TNC: variants seen among roughly 807,000 people sequenced by gnomAD.
The protein encoded by TNC is tenascin C, also known as tenascin.
In TNC, 109 loss-of-function variants were observed where a neutral mutation model predicts 202.4. The observed-to-expected ratio is 0.54, with a 90% CI of 0.46 to 0.63. The LOEUF (loss-of-function observed/expected upper bound fraction) is 0.63. Ranked by LOEUF, TNC falls within the 30% of genes least tolerant of loss-of-function variation. The pLI, the probability that TNC is intolerant of heterozygous loss-of-function variation, is 0.00. For synonymous variants in TNC, 1,007 were observed against 1,089.7 expected, an observed-to-expected ratio of 0.92 and a Z score of 1.50; for missense variants, 2,756 against 2,833.3, an observed-to-expected ratio of 0.97 and a Z score of 0.62.
In TNC at chr9:115,082,732, T is replaced by C. The variant is rs61735551; in HGVS notation, c.2207A>G (p.Asp736Gly). 3.2e-3 allele frequency: 5,183 copies of C among 1,614,066 alleles called. 153 individuals carry two copies. In the African/African-American group the frequency reaches 0.062, roughly 19 times the overall value. ...TSVEVEWDPL[D>G]IAFETWEIIF... ...GATCTCCCAGGTTTCAAAAGCAATG[T>C]CTAGAGGATCCCACTCCACTTCCAC... Residue 736 changes from aspartate to glycine, a missense_variant, in exon 5 of 28, where the codon GAC becomes GGC. Physicochemically the swap from Asp to Gly is moderately conservative, Grantham distance 94. Transcript: ENST00000350763.
At chr9:115,055,052 T>A (rs1832000050) in intron 15 of TNC, among the ~76,000 whole-genome samples, 1 of 152,008 alleles carries the variant, frequency 6.6e-6, no homozygotes, top group African/African-American at 2.4e-5. Context: ...AGAAAAAGAG[T>A]GTAGATCTTT....
At chr9:115,026,732 G>T in intron 25 of TNC, 37 bp from the exon 26 acceptor site, 1 of 1,607,182 alleles carries the variant, frequency 6.2e-7, no homozygotes. Flanking sequence ...AGAAGCACAG[G>T]TGACTGAGGC....
intron 24 of TNC, 28 bp from the exon 25 acceptor site, chr9:115,029,484 T>C: frequency 6.2e-7 from 1 of 1,606,376 alleles, no homozygotes; most frequent in East Asian, 2.2e-5. Flanking sequence ...AATCTGGGTG[T>C]ACTTAAGCTA....
At chr9:115,073,342 C>G (rs553146708) in intron 10 of TNC, among the ~76,000 whole-genome samples, 1 of 152,162 alleles carries the variant, frequency 6.6e-6, no homozygotes, top group South Asian at 2.1e-4. Context: ...AATGCAAACA[C>G]AAACCCTGAT....
At chr9:115,106,881 A>C (rs2134192072) in intron 1 of TNC, among the ~76,000 whole-genome samples, 1 of 152,298 alleles carries the variant, frequency 6.6e-6, no homozygotes, top group East Asian at 1.9e-4. Flanking sequence ...AGGAGGGAAA[A>C]TTCCTTCTAA....
intron 15 of TNC, among the ~76,000 whole-genome samples, chr9:115,056,877 A>G (rs1416325446): frequency 2.6e-5 from 4 of 152,238 alleles, no homozygotes; most frequent in Non-Finnish European, 5.9e-5. Context: ...AGAGGTTAGA[A>G]TTCTTTTCTC....
intron 1 of TNC, among the ~76,000 whole-genome samples, chr9:115,114,234 A>G (rs1564164246): frequency 6.6e-6 from 1 of 152,194 alleles, no homozygotes; most frequent in Admixed American, 6.5e-5. Context: ...GATTCCCTAC[A>G]ATCTTCTCAG....
At chr9:115,066,065 A>T (rs1011047615) in intron 10 of TNC, among the ~76,000 whole-genome samples, 2 of 152,222 alleles carry the variant, frequency 1.3e-5, no homozygotes, top group Non-Finnish European at 2.9e-5. Context: ...ACACAGTATT[A>T]TTAAGGCTGA....
At chr9:115,117,739 A>G (rs1837572342) in intron 1 of TNC, among the ~76,000 whole-genome samples, 1 of 152,226 alleles carries the variant, frequency 6.6e-6, no homozygotes, top group South Asian at 2.1e-4. Context: ...GCAGAAGATA[A>G]CAACTTTACG....
rs200783075 is a variant in TNC at position 115,078,094 on chromosome 9, G to C, written c.2523C>G (p.Asp841Glu). ...DGIELTYGIK[D>E]VPGDRTTIDL... The stretch of plus-strand genomic sequence containing the variant: ...CGATGGTGGTACGGTCTCCTGGCAC[G>C]TCTTTGATGCCGTAGGTCAGCTCAA... The change falls in exon 7 of 28, where the codon GAC (aspartate) becomes GAG (glutamate). Residue 841 changes from aspartate (D) to glutamate (E), a missense_variant. By Grantham distance (45) the Asp-to-Glu change is conservative. Around this residue, in one of 2 missense-constraint regions of TNC, gnomAD observed 2,559 missense variants for 2,546.0 expected, o/e 1.01. Coordinates refer to ENST00000350763, the MANE Select transcript of TNC (RefSeq NM_002160.4). The C allele has an allele frequency of 6.2e-7, 1 of 1,614,070 alleles. No individual in the cohort carries two copies. The highest frequency in any genetic ancestry group is 8.5e-7 in the Non-Finnish European group (1 of 1,179,998).
In TNC at chr9:115,041,009, T is replaced by G. The variant is rs1336826428; in HGVS notation, c.5324A>C (p.Tyr1775Ser). 2.5e-6 allele frequency: 4 copies of G among 1,614,136 alleles called. No individual in the cohort carries two copies. Among genetic ancestry groups the G allele is most frequent in the Non-Finnish European group, 3.4e-6 (4 of 1,180,026 alleles). ...RLVKLIPGVE[Y>S]LVSIIAMKGF... ...CTTCATGGCGATGATGCTGACAAGG[T>G]ACTCCACGCCAGGTATGAGTTTCAC... Residue 1775 changes from tyrosine (Y) to serine (S), a missense_variant, in exon 19 of 28, where the codon TAC becomes TCC. By Grantham distance (144) the Tyr-to-Ser change is moderately radical (BLOSUM62 -2). Around this residue, in one of 2 missense-constraint regions of TNC, gnomAD observed 2,559 missense variants for 2,546.0 expected, o/e 1.01. Coordinates refer to ENST00000350763, the MANE Select transcript of TNC (RefSeq NM_002160.4).
chr9:115,057,084 A>G, intron 15 of TNC, 69 bp downstream of exon 15: 1 of 1,524,324 alleles, frequency 6.6e-7, no homozygotes, highest in Non-Finnish European at 8.8e-7. Context: ...GGAGAGGAGA[A>G]GGAGAGGCTT....
intron 25 of TNC, among the ~76,000 whole-genome samples, chr9:115,028,078 C>G (rs535435520): frequency 6.6e-6 from 1 of 152,230 alleles, no homozygotes; most frequent in Non-Finnish European, 1.5e-5. Context: ...ACATGCATAT[C>G]AAAACTCATT....
At chr9:115,046,743 A>C in intron 16 of TNC, 61 bp from the exon 17 acceptor site, 1 of 1,588,402 alleles carries the variant, frequency 6.3e-7, no homozygotes, top group Admixed American at 1.7e-5. Context: ...CAGTCCGTGC[A>C]ATCTTCTCTC....
chr9:115,086,700 G>A lies in TNC; in HGVS notation c.1031C>T (p.Pro344Leu), dbSNP rs1004991917. The A allele has an allele frequency of 6.2e-7, 1 of 1,614,030 alleles. No individual in the cohort carries two copies. Among genetic ancestry groups the A allele is most frequent in the Non-Finnish European group, 8.5e-7 (1 of 1,180,034 alleles). The change falls in exon 3 of 28, where the codon CCC becomes CTC. Residue 344 changes from proline (P) to leucine (L), a missense_variant. Transcript: ENST00000350763. ...GGTGTGGCAGGCATGTGGGCAGGTGGGTTTCCCGCAGTCTTCACCTGTGAA... is the reference window on the plus strand; with the variant it reads ...GGTGTGGCAGGCATGTGGGCAGGTGAGTTTCCCGCAGTCTTCACCTGTGAA... ...EGFTGEDCGKPTCPHACHTQG... is the reference protein window; with the variant it reads ...EGFTGEDCGKLTCPHACHTQG...
At chr9:115,026,441 T>C in intron 26 of TNC, 93 bp downstream of exon 26, 1 of 1,356,498 alleles carries the variant, frequency 7.4e-7, no homozygotes, top group Non-Finnish European at 1.0e-6. Flanking sequence ...ATTGCTGGAT[T>C]AATGAGGAAG....
intron 10 of TNC, among the ~76,000 whole-genome samples, chr9:115,067,078 G>A (rs1286390018): frequency 1.3e-5 from 2 of 152,186 alleles, no homozygotes; most frequent in East Asian, 1.9e-4. Context: ...ACCCCAAACT[G>A]CAAGTGATGT....
At chr9:115,060,086 G>A in intron 13 of TNC, 84 bp from the exon 14 acceptor site, 1 of 1,363,346 alleles carries the variant, frequency 7.3e-7, no homozygotes, top group Non-Finnish European at 9.8e-7. Flanking sequence ...CTCTAGGAAA[G>A]AGAGAAAGGG....
At chr9:115,077,325 G>A (rs1172781289) in intron 7 of TNC, among the ~76,000 whole-genome samples, 1 of 152,184 alleles carries the variant, frequency 6.6e-6, no homozygotes, top group African/African-American at 2.4e-5. Flanking sequence ...CAAAGTGCTG[G>A]GATTACAGGC....
Sources: allele counts gnomAD v4.1 joint callset (sites outside exome capture counted in the v4.1 genomes callset), GRCh38; gene constraint gnomAD v4.1.1; regional missense constraint gnomAD v4.1.1; transcripts MANE v1.5; gene names NCBI Gene and HGNC (gene_info 2026-07-23, HGNC 2026-07-21).